DEPDC5: variants seen among roughly 807,000 people sequenced by gnomAD.
DEPDC5 encodes the protein GATOR1 complex protein DEPDC5.
Under a neutral mutation model 217.3 loss-of-function variants are expected in DEPDC5, and 73 were observed. The observed-to-expected ratio is 0.34, with a 90% CI of 0.28 to 0.41. The LOEUF is 0.41. DEPDC5 is among the 10% of genes least tolerant of loss of function. The pLI is 1.00. For missense variants in DEPDC5, 1,675 were observed against 2,070.1 expected, an observed-to-expected ratio of 0.81 and a Z score of 3.70; for synonymous variants, 733 against 756.7, an observed-to-expected ratio of 0.97 and a Z score of 0.51.
chr22:31,815,761 A>C, intron 21 of DEPDC5: 2 of 1,156,544 alleles, frequency 1.7e-6, no homozygotes, highest in African/African-American at 1.6e-5. Context: ...GAACTCCTGG[A>C]CTCGAGGGAT....
In DEPDC5 at chr22:31,840,046, C is replaced by G. The variant is rs145219431; in HGVS notation, c.2515+1201C>G. ...CTACAGTATCTTTGAAGCACTTACT[C>G]TGCCTGGCTGGGGAGAGGATTTATA... On this transcript the variant is annotated intron_variant, in intron 27 of 42. Coordinates refer to ENST00000651528, the MANE Select transcript of DEPDC5 (RefSeq NM_001242896.3). 1.3e-3 allele frequency among the ~76,000 whole-genome samples: 202 copies of G among 152,278 alleles called. 1 individual carries two copies. The highest frequency in any genetic ancestry group is 2.1e-3 in the Non-Finnish European group (143 of 68,018).
chr22:31,821,200 C>G (rs1183682184), intron 22 of DEPDC5, among the ~76,000 whole-genome samples: 1 of 152,238 alleles, frequency 6.6e-6, no homozygotes, highest in Non-Finnish European at 1.5e-5. Flanking sequence ...GCCCTCCTGG[C>G]AAGGGGCCAT....
At chr22:31,854,967 T>C (rs539250553) in intron 31 of DEPDC5, among the ~76,000 whole-genome samples, 16 of 151,720 alleles carry the variant, frequency 1.1e-4, no homozygotes, top group Admixed American at 2.0e-4. Flanking sequence ...GGTTTTTTTT[T>C]TTTTTTTCTT....
intron 10 of DEPDC5, among the ~76,000 whole-genome samples, chr22:31,787,747 G>C (rs753869735): frequency 1.3e-5 from 2 of 151,146 alleles, no homozygotes; most frequent in Non-Finnish European, 2.9e-5. Flanking sequence ...AGGAATTTGA[G>C]GTTACAGTAT....
intron 9 of DEPDC5, chr22:31,784,575 A>G (rs1304787420): frequency 7.6e-6 from 3 of 393,280 alleles, no homozygotes; most frequent in Non-Finnish European, 1.4e-5. Flanking sequence ...AGCCAGTATC[A>G]TGCCACTGCA....
At chr22:31,846,446 G>C (rs2091745528) in intron 30 of DEPDC5, among the ~76,000 whole-genome samples, 1 of 152,154 alleles carries the variant, frequency 6.6e-6, no homozygotes, top group Admixed American at 6.6e-5. Flanking sequence ...GTGTCTGGGA[G>C]AGCTTGGATA....
chr22:31,905,344 T>G (rs2093737348), intron 41 of DEPDC5, among the ~76,000 whole-genome samples: 1 of 151,218 alleles, frequency 6.6e-6, no homozygotes. Context: ...CCAGGCATGG[T>G]GGCACATGCC....
chr22:31,813,205 G>T (rs12165680), intron 20 of DEPDC5, among the ~76,000 whole-genome samples: 1 of 152,102 alleles, frequency 6.6e-6, no homozygotes, highest in African/African-American at 2.4e-5. Context: ...GCTGTCAGCA[G>T]CCTCTCTCCT....
chr22:31,851,875 G>A (rs762953111), intron 31 of DEPDC5, among the ~76,000 whole-genome samples: 3 of 152,160 alleles, frequency 2.0e-5, no homozygotes, highest in Non-Finnish European at 4.4e-5. Context: ...CATGGCAAGA[G>A]GAATCCTTTG....
chr22:31,862,102 C>T (rs1043744469), intron 33 of DEPDC5, among the ~76,000 whole-genome samples: 27 of 151,850 alleles, frequency 1.8e-4, no homozygotes, highest in African/African-American at 5.8e-4. Flanking sequence ...ATTAGCTGGG[C>T]GTGGTGGTGC....
At chr22:31,885,094 G>A (rs2093273358) in intron 38 of DEPDC5, among the ~76,000 whole-genome samples, 1 of 152,092 alleles carries the variant, frequency 6.6e-6, no homozygotes, top group African/African-American at 2.4e-5. Flanking sequence ...CTTATAAACT[G>A]CTTTGCACAC....
Position 31,906,227 on chromosome 22 carries a change from C to T in DEPDC5, c.4542C>T (p.Pro1514=), listed in dbSNP as rs368918488. Residue 1514 remains proline, a synonymous_variant, in exon 43 of 43, where the codon CCC becomes CCT. Transcript: ENST00000651528. This position sits in a 1 kb window ranked among gnomAD's most constrained non-coding sequence, Gnocchi z 5.1. ...CAGGAACAGTGTTTCTGCAGCTGCC[C>T]TACTCCAAGCGCAAGTTCTCAGGGC... is the stretch of plus-strand genomic sequence containing the variant. ...HVTGTVFLQL[P]YSKRKFSGQQ... is the part of the protein sequence containing the mutation. 33 of 1,613,858 alleles carry T rather than the reference C, an allele frequency of 2.0e-5. No individual in the cohort carries two copies. The highest frequency in any genetic ancestry group is 1.7e-4 in the African/African-American group (13 of 74,938).
intron 10 of DEPDC5, among the ~76,000 whole-genome samples, chr22:31,786,722 A>T (rs138289): frequency 0.43 from 65,168 of 151,844 alleles, 14,291 homozygotes; most frequent in Middle Eastern, 0.57. Flanking sequence ...CTCTTGCCTC[A>T]GCTTCTTGAG....
chr22:31,822,917 C>A, intron 24 of DEPDC5, 127 bp downstream of exon 24: 2 of 927,704 alleles, frequency 2.2e-6, no homozygotes, highest in Non-Finnish European at 3.3e-6. Context: ...TTTGGGTGAC[C>A]TATTTAGAAA....
At chr22:31,819,853 CT>C (rs2089511838) in intron 22 of DEPDC5, among the ~76,000 whole-genome samples, 1 of 152,122 alleles carries the variant, frequency 6.6e-6, no homozygotes, top group South Asian at 2.1e-4. Context: ...TTCATTCCTT[CT>C]TCTCTTAGAT....
intron 38 of DEPDC5, among the ~76,000 whole-genome samples, chr22:31,880,772 C>G (rs1429934317): frequency 6.6e-6 from 1 of 152,162 alleles, no homozygotes; most frequent in African/African-American, 2.4e-5. Flanking sequence ...TGCCTGTAAT[C>G]CCAGCACTTT....
intron 33 of DEPDC5, among the ~76,000 whole-genome samples, chr22:31,862,665 A>G (rs1488887617): frequency 3.3e-5 from 5 of 152,220 alleles, no homozygotes; most frequent in African/African-American, 1.2e-4. Context: ...GAGCTCTTAT[A>G]TCATTCTGCC....
intron 33 of DEPDC5, among the ~76,000 whole-genome samples, chr22:31,866,189 G>A (rs1247223103): frequency 6.6e-6 from 1 of 152,146 alleles, no homozygotes. Flanking sequence ...TGTAGCTTGG[G>A]AGTGCCAGAA....
rs980172261 is a variant in DEPDC5, at chr22:31,826,087, A to G, written c.2104+3297A>G. ...AGTGGTGCGATCTCAGCTCTCTGCA[A>G]CCTCTGCCTCCCGGGTTCAAGCAAT... On this transcript the variant is annotated intron_variant, in intron 24 of 42. Coordinates refer to ENST00000651528, the MANE Select transcript of DEPDC5 (RefSeq NM_001242896.3). 1.1e-4 allele frequency among the ~76,000 whole-genome samples: 17 copies of G among 151,828 alleles called. 1 individual carries two copies. Among genetic ancestry groups the G allele is most frequent in the Admixed American group, 2.0e-4 (3 of 15,246 alleles).
Sources: allele counts gnomAD v4.1 joint callset (sites outside exome capture counted in the v4.1 genomes callset), GRCh38; gene constraint gnomAD v4.1.1; non-coding constraint Gnocchi (gnomAD v3.1); transcripts MANE v1.5; gene names NCBI Gene and HGNC (gene_info 2026-07-23, HGNC 2026-07-21).